The following ZNF704 variants were observed in gnomAD, a reference collection of about 807,000 sequenced individuals.
ZNF704 encodes glucocorticoid induced gene 1.
ZNF704 carries 10 observed loss-of-function variants against 44.7 expected under a neutral mutation model. That is an observed-to-expected ratio of 0.22 (90% CI 0.14 to 0.38). The LOEUF (loss-of-function observed/expected upper bound fraction) is 0.38, where lower values mean the gene tolerates loss of function less well. ZNF704 is among the 10% of genes least tolerant of loss of function. ZNF704 has a pLI of 1.00. For missense variants in ZNF704, 390 were observed against 545.5 expected (o/e 0.71, Z 2.84); for synonymous variants, 211 against 207.6 (o/e 1.02, Z -0.14).
chr8:80,636,495 A>C lies in ZNF704; in HGVS notation c.*4871T>G, dbSNP rs1220231967. The C allele has an allele frequency of 1.3e-5, 2 of 152,192 alleles. No individual in the cohort carries two copies. Among genetic ancestry groups the C allele is most frequent in the Non-Finnish European group, 2.9e-5 (2 of 68,032 alleles). The allele number at this position is 152,192 out of a possible 1,614,324, so 9.4% of individuals were successfully genotyped here. On this transcript the variant is annotated 3_prime_UTR_variant, in exon 9 of 9. Coordinates refer to ENST00000327835, the MANE Select transcript of ZNF704 (RefSeq NM_001033723.3). Reference sequence around the variant, plus strand: ...TTACTCAGTGATACAACTGGTACCTAAAAAAAGTGCTAATCTCATTTTATT... The same window carrying C: ...TTACTCAGTGATACAACTGGTACCTCAAAAAAGTGCTAATCTCATTTTATT...
intron 1 of ZNF704, among the ~76,000 whole-genome samples, chr8:80,834,823 G>A (rs573173783): frequency 6.6e-6 from 1 of 152,060 alleles, no homozygotes. Flanking sequence ...TGAGGATGAT[G>A]GTTTCCAGCT....
At position 80,638,546 on chromosome 8, in the gene ZNF704, G is replaced by A. The variant is rs1817695551; in HGVS notation, c.*2820C>T. 1 of 152,176 alleles carries A rather than the reference G, an allele frequency of 6.6e-6. No homozygotes were observed. 9.4% of individuals were successfully genotyped at this position (152,176 alleles called of 1,614,324 possible). Reference sequence around the variant, plus strand: ...ATCAAACGAATGTCTGGTTAATTTGGCACTTCATTTAGTTCCAAAATATAA... The same window carrying A: ...ATCAAACGAATGTCTGGTTAATTTGACACTTCATTTAGTTCCAAAATATAA... On this transcript the variant is annotated 3_prime_UTR_variant, in exon 9 of 9. Transcript: ENST00000327835.
chr8:80,775,671 C>T (rs1337857386), intron 2 of ZNF704, among the ~76,000 whole-genome samples: 1 of 152,088 alleles, frequency 6.6e-6, no homozygotes, highest in African/African-American at 2.4e-5. Context: ...TCTTAATTTA[C>T]TCAGGGTGTT....
intron 7 of ZNF704, among the ~76,000 whole-genome samples, chr8:80,652,534 A>G (rs1160382057): frequency 1.3e-5 from 2 of 152,230 alleles, no homozygotes; most frequent in African/African-American, 4.8e-5. Context: ...AGAATACTAT[A>G]AACACCTCTA....
At chr8:80,714,101 G>A (rs1819035341) in intron 2 of ZNF704, among the ~76,000 whole-genome samples, 1 of 152,164 alleles carries the variant, frequency 6.6e-6, no homozygotes, top group African/African-American at 2.4e-5. Context: ...TAACAAGCGC[G>A]ATCTTGCAGA....
At chr8:80,865,255 G>T (rs926838702) in intron 1 of ZNF704, among the ~76,000 whole-genome samples, 1 of 152,070 alleles carries the variant, frequency 6.6e-6, no homozygotes, top group Non-Finnish European at 1.5e-5. Flanking sequence ...TTAAAAAAAC[G>T]ATAGCCACTG....
At chr8:80,808,930 C>T (rs144789080) in intron 2 of ZNF704, among the ~76,000 whole-genome samples, 139 of 152,284 alleles carry the variant, frequency 9.1e-4, no homozygotes, top group African/African-American at 3.3e-3. Flanking sequence ...GTGTCATTAA[C>T]GATTAGGGTT....
chr8:80,718,268 T>C (rs756351755), intron 2 of ZNF704, among the ~76,000 whole-genome samples: 3 of 152,168 alleles, frequency 2.0e-5, no homozygotes, highest in Non-Finnish European at 4.4e-5. Flanking sequence ...GTAACACTGA[T>C]ATCCTCCATC....
At chr8:80,652,982 G>C (rs2131598578) in intron 7 of ZNF704, among the ~76,000 whole-genome samples, 1 of 152,248 alleles carries the variant, frequency 6.6e-6, no homozygotes, top group African/African-American at 2.4e-5. Flanking sequence ...GATCAAGTGG[G>C]CTTCATCCCT....
chr8:80,650,255 T>A (rs2131595753), intron 7 of ZNF704, among the ~76,000 whole-genome samples: 1 of 152,120 alleles, frequency 6.6e-6, no homozygotes, highest in East Asian at 1.9e-4. Flanking sequence ...TCAGAGCGCC[T>A]CTCCTCCTCC....
At chr8:80,704,166 C>T (rs117394076) in intron 2 of ZNF704, among the ~76,000 whole-genome samples, 3 of 152,168 alleles carry the variant, frequency 2.0e-5, no homozygotes, top group Admixed American at 1.3e-4. Flanking sequence ...AGTTTCAAAT[C>T]CCCTGAAAAT....
chr8:80,694,433 T>G (rs773036404), intron 2 of ZNF704: 1 of 152,212 alleles, frequency 6.6e-6, no homozygotes, highest in Non-Finnish European at 1.5e-5. Flanking sequence ...AAATAAATTG[T>G]ACCACCTCCT....
In ZNF704 at chr8:80,630,091, T is replaced by C. The variant is rs1386859129; in HGVS notation, c.*11275A>G. 1 of 152,232 alleles carries C rather than the reference T, an allele frequency of 6.6e-6. No individual in the cohort carries two copies. Among genetic ancestry groups the C allele is most frequent in the Non-Finnish European group, 1.5e-5 (1 of 68,048 alleles). 9.4% of individuals were successfully genotyped at this position (152,232 alleles called of 1,614,324 possible). ...TCCCCATAAGGATATGTATCCAAGTTTATTTTGAATAATTTGCAGTTGTGG... is the reference window on the plus strand; with the variant it reads ...TCCCCATAAGGATATGTATCCAAGTCTATTTTGAATAATTTGCAGTTGTGG... On this transcript the variant is annotated 3_prime_UTR_variant, in exon 9 of 9. Coordinates refer to ENST00000327835, the MANE Select transcript of ZNF704 (RefSeq NM_001033723.3).
chr8:80,731,512 C>T (rs1321085299), intron 2 of ZNF704, among the ~76,000 whole-genome samples: 2 of 152,184 alleles, frequency 1.3e-5, no homozygotes, highest in Non-Finnish European at 2.9e-5. Context: ...TTCAATACTT[C>T]AAAATCATCT....
At chr8:80,871,489 G>A (rs536189872) in intron 1 of ZNF704, among the ~76,000 whole-genome samples, 1 of 152,242 alleles carries the variant, frequency 6.6e-6, no homozygotes, top group South Asian at 2.1e-4. Context: ...TTCTTCCTTT[G>A]AAACTCTAAG....
At chr8:80,844,976 A>C (rs560669626) in intron 1 of ZNF704, among the ~76,000 whole-genome samples, 24 of 152,132 alleles carry the variant, frequency 1.6e-4, no homozygotes, top group African/African-American at 5.8e-4. Context: ...CACTGCACCC[A>C]GCCTGGAATA....
intron 2 of ZNF704, among the ~76,000 whole-genome samples, chr8:80,796,659 A>G (rs995799745): frequency 6.6e-6 from 1 of 152,166 alleles, no homozygotes; most frequent in Admixed American, 6.5e-5. Flanking sequence ...ATCTACTTCC[A>G]AGATACAATG....
At chr8:80,657,225 G>A (rs1818029952) in intron 7 of ZNF704, among the ~76,000 whole-genome samples, 2 of 152,142 alleles carry the variant, frequency 1.3e-5, no homozygotes, top group African/African-American at 4.8e-5. Context: ...AACATTCTTA[G>A]TTGTAGCCTT....
chr8:80,717,248 A>AC (rs1175651288), intron 2 of ZNF704, among the ~76,000 whole-genome samples: 2 of 152,224 alleles, frequency 1.3e-5, no homozygotes, highest in African/African-American at 4.8e-5. Flanking sequence ...GCTCTGCCAC[A>AC]CCACCATTCA....
Sources: gnomAD v4.1 joint callset for allele counts (sites outside exome capture counted in the v4.1 genomes callset) on GRCh38, gnomAD v4.1.1 for gene constraint, MANE v1.5 for transcripts, NCBI Gene and HGNC (gene_info 2026-07-23, HGNC 2026-07-21) for gene names.